Variants in GSAP observed in about 807,000 individuals in gnomAD.
GSAP encodes the protein gamma-secretase activating protein.
Under a neutral mutation model 131.7 loss-of-function variants are expected in GSAP, and 118 were observed. That is an observed-to-expected ratio of 0.90 (90% CI 0.77 to 1.04). The LOEUF is 1.04. Among genes scored for constraint, GSAP ranks in the 50% least tolerant of loss-of-function variants. The pLI, the probability that GSAP is intolerant of heterozygous loss-of-function variation, is 0.00. For synonymous variants in GSAP, 381 were observed against 363.4 expected (o/e 1.05, Z -0.55); for missense variants, 1,019 against 1,013.2 (o/e 1.01, Z -0.08).
At position 77,321,118 on chromosome 7, in the gene GSAP, C is replaced by T. The variant is rs144199399; in HGVS notation, c.1994+215G>A. Among the ~76,000 whole-genome samples the T allele has an allele frequency of 5.1e-3, 782 of 152,172 alleles. 8 individuals carry two copies. Among genetic ancestry groups the T allele is most frequent in the African/African-American group, 0.012 (489 of 41,502 alleles). ...CAGGGAAAGAGGATGGGTAAAGTAACGGGCATAACTTTGTTTTAATTTTAG... is the reference window on the plus strand; with the variant it reads ...CAGGGAAAGAGGATGGGTAAAGTAATGGGCATAACTTTGTTTTAATTTTAG... On this transcript the variant is annotated intron_variant, in intron 25 of 30. Coordinates refer to ENST00000257626, the MANE Select transcript of GSAP (RefSeq NM_017439.4).
chr7:77,397,477 C>T, intron 3 of GSAP, 62 bp from the exon 4 acceptor site: 2 of 893,680 alleles, frequency 2.2e-6, no homozygotes, highest in Non-Finnish European at 1.8e-6. Flanking sequence ...ATTGTATGAA[C>T]ATAAATTCCC....
intron 1 of GSAP, among the ~76,000 whole-genome samples, chr7:77,414,079 A>G (rs944962322): frequency 6.6e-6 from 1 of 152,212 alleles, no homozygotes; most frequent in East Asian, 1.9e-4. Flanking sequence ...TGGCTGACTC[A>G]GCCCAGCTCT....
chr7:77,377,466 T>C, intron 8 of GSAP, 76 bp from the exon 9 acceptor site: 3 of 1,422,288 alleles, frequency 2.1e-6, no homozygotes, highest in Non-Finnish European at 2.8e-6. Flanking sequence ...AATTCATAAT[T>C]ATTTTCCATG....
intron 19 of GSAP, among the ~76,000 whole-genome samples, chr7:77,340,155 TGA>T (rs1790691361): frequency 6.6e-6 from 1 of 152,224 alleles, no homozygotes; most frequent in South Asian, 2.1e-4. Context: ...GCTCCCCGAC[TGA>T]GCACCTTGTG....
intron 5 of GSAP, among the ~76,000 whole-genome samples, chr7:77,395,133 C>T (rs372149876): frequency 1.3e-5 from 2 of 151,998 alleles, no homozygotes; most frequent in East Asian, 3.9e-4. Context: ...TAAAGGACTA[C>T]TGTTCTGTGT....
intron 3 of GSAP, among the ~76,000 whole-genome samples, chr7:77,399,703 T>TGGGGGGG (rs60305186): frequency 8.8e-6 from 1 of 113,698 alleles, no homozygotes. Context: ...AAACTTGAGG[T>TGGGGGGG]GGGGGGGGGC....
chr7:77,351,065 C>T (rs1736558481), intron 18 of GSAP: 2 of 916,522 alleles, frequency 2.2e-6, no homozygotes, highest in Admixed American at 6.2e-5. Flanking sequence ...ATTTAAATGA[C>T]CGAGATTTTA....
intron 19 of GSAP, among the ~76,000 whole-genome samples, chr7:77,347,987 CAA>C (rs34156549): frequency 1.4e-4 from 17 of 118,764 alleles, no homozygotes; most frequent in Non-Finnish European, 1.1e-4. Context: ...CCCATCTCTA[CAA>C]AAAAAAAAAA....
At chr7:77,374,024 A>C in intron 12 of GSAP, 46 bp downstream of exon 12, 1 of 1,056,134 alleles carries the variant, frequency 9.5e-7, no homozygotes, top group Non-Finnish European at 1.5e-6. Flanking sequence ...TTTTGTCTAG[A>C]ACTCAAATAC....
chr7:77,411,985 C>T (rs1052340604), intron 1 of GSAP, among the ~76,000 whole-genome samples: 5 of 152,156 alleles, frequency 3.3e-5, no homozygotes, highest in Non-Finnish European at 7.3e-5. Flanking sequence ...TCAATACCAG[C>T]CTGACCAATA....
chr7:77,386,746 T>C (rs112735147), intron 6 of GSAP, among the ~76,000 whole-genome samples: 56 of 152,312 alleles, frequency 3.7e-4, no homozygotes, highest in African/African-American at 1.3e-3. Context: ...ACAACTGTCA[T>C]TTTAGTATGA....
intron 8 of GSAP, among the ~76,000 whole-genome samples, chr7:77,380,687 C>G (rs1401563223): frequency 6.7e-6 from 1 of 150,124 alleles, no homozygotes; most frequent in African/African-American, 2.5e-5. Context: ...TGATACATAC[C>G]AGGTTGTGAA....
chr7:77,360,999 T>G, intron 13 of GSAP, 98 bp from the exon 14 acceptor site: 1 of 718,534 alleles, frequency 1.4e-6, no homozygotes, highest in Non-Finnish European at 2.5e-6. Context: ...TCAGTGACCA[T>G]GAAACTGGTA....
At chr7:77,332,636 T>A (rs1202464804) in intron 19 of GSAP, among the ~76,000 whole-genome samples, 1 of 151,948 alleles carries the variant, frequency 6.6e-6, no homozygotes, top group Non-Finnish European at 1.5e-5. Context: ...TAGACTAGAG[T>A]TAGAAGGAAA....
rs147393524 is a variant in GSAP at position 77,400,146 on chromosome 7, C to T, written c.244-2731G>A. The stretch of plus-strand genomic sequence containing the variant: ...AACTTAGACTCCCACCTTTGCCCAG[C>T]TGTTAACAAGGCAGCCTTCCCCCTT... On this transcript the variant is annotated intron_variant, in intron 3 of 30. Transcript: ENST00000257626. 4.2e-3 allele frequency among the ~76,000 whole-genome samples: 636 copies of T among 152,304 alleles called. 5 individuals are homozygous for T. Among genetic ancestry groups the T allele is most frequent in the African/African-American group, 0.014 (593 of 41,570 alleles).
intron 12 of GSAP, among the ~76,000 whole-genome samples, chr7:77,366,326 T>A (rs531984179): frequency 6.6e-6 from 1 of 152,340 alleles, no homozygotes; most frequent in South Asian, 2.1e-4. Context: ...ATGACTAGGA[T>A]GGTATTGCCT....
chr7:77,411,602 A>C (rs956082330), intron 1 of GSAP, among the ~76,000 whole-genome samples: 3 of 152,210 alleles, frequency 2.0e-5, no homozygotes, highest in African/African-American at 7.2e-5. Context: ...AGACTTATTA[A>C]GAGTCATTTA....
intron 1 of GSAP, among the ~76,000 whole-genome samples, chr7:77,408,689 C>CAAAAAAAAAAAAAAAAAAAAAAAAAAAAA (rs749202124): frequency 3.0e-5 from 2 of 67,026 alleles, no homozygotes; most frequent in African/African-American, 5.8e-5. Context: ...ACTCTGCCTC[C>CAAAAAAAAAAAAAAAAAAAAAAAAAAAAA]AAAAAAAAAA....
intron 20 of GSAP, 110 bp from the exon 21 acceptor site, chr7:77,329,501 C>A: frequency 2.1e-6 from 1 of 480,736 alleles, no homozygotes. Flanking sequence ...AAGAAATATA[C>A]TTTCCAGGTA....
Sources: gnomAD v4.1 joint callset for allele counts (sites outside exome capture counted in the v4.1 genomes callset) on GRCh38, gnomAD v4.1.1 for gene constraint, MANE v1.5 for transcripts, NCBI Gene and HGNC (gene_info 2026-07-23, HGNC 2026-07-21) for gene names.